PFKP: variants seen among roughly 807,000 people sequenced by gnomAD.
PFKP encodes ATP-dependent 6-phosphofructokinase, platelet type.
In PFKP, 101 loss-of-function variants were observed where a neutral mutation model predicts 94.3. That is an observed-to-expected ratio of 1.07 (90% CI 0.91 to 1.26). The LOEUF is 1.26. Ranked by LOEUF, PFKP falls within the 50% of genes most tolerant of loss-of-function variation. The pLI is 0.00. For synonymous variants in PFKP, 573 were observed against 432.6 expected (o/e 1.32, Z -4.03); for missense variants, 1,145 against 1,103.3 (o/e 1.04, Z -0.53).
At position 3,131,919 on chromosome 10, in the gene PFKP, C is replaced by A. The variant is rs114701714; in HGVS notation, c.1849-461C>A. ...GTTCTTACTCTAAGACCATCTTTTC[C>A]TTAAGAAATCTGTGTATGAATGTGA... On this transcript the variant is annotated intron_variant, in intron 17 of 21. Transcript: ENST00000381125. Among the ~76,000 whole-genome samples the A allele has an allele frequency of 3.3e-3, 498 of 152,178 alleles. 2 individuals carry two copies. Among genetic ancestry groups the A allele is most frequent in the African/African-American group, 0.012 (479 of 41,524 alleles).
chr10:3,074,512 G>C (rs59306320), intron 1 of PFKP, among the ~76,000 whole-genome samples: 1 of 152,086 alleles, frequency 6.6e-6, no homozygotes, highest in Non-Finnish European at 1.5e-5. Context: ...GAGGCCACAA[G>C]TTTAGGGTAT....
intron 2 of PFKP, among the ~76,000 whole-genome samples, chr10:3,093,546 G>C (rs893917329): frequency 1.3e-5 from 2 of 151,922 alleles, no homozygotes; most frequent in Admixed American, 6.6e-5. Flanking sequence ...GAGGTGGCCT[G>C]GTTCTGCTCT....
chr10:3,102,250 C>CAAAAAAA lies in PFKP; in HGVS notation c.454+713_454+719dup, dbSNP rs757381364. ...TGGGCGACAGAGCGAGACTCTGTCT[C>CAAAAAAA]AAAAAAAAAAAAAAAAAAAAAAACT... On this transcript the variant is annotated intron_variant, in intron 4 of 21. Coordinates refer to ENST00000381125, the MANE Select transcript of PFKP (RefSeq NM_002627.5). 6.9e-3 allele frequency among the ~76,000 whole-genome samples: 376 copies of CAAAAAAA among 54,770 alleles called. 35 individuals carry two copies. The highest frequency in any genetic ancestry group is 1.0e-2 in the Non-Finnish European group (291 of 29,128). 35.9% of individuals were successfully genotyped at this position (54,770 alleles called of 152,430 possible).
At position 3,067,603 on chromosome 10, in the gene PFKP, C is replaced by G. The variant is rs1474591724; in HGVS notation, c.8C>G (p.Ala3Gly). Residue 3 changes from alanine to glycine, a missense_variant, in exon 1 of 22, where the codon GCG (alanine) becomes GGG (glycine). Transcript: ENST00000381125. ...CCCCTCGGCCTCCTCGCCATGGACG[C>G]GGACGACTCCCGGGCCCCCAAGGGC... MD[A>G]DDSRAPKGSL... 6.6e-7 allele frequency: 1 copy of G among 1,521,318 alleles called. No homozygotes were observed. The highest frequency in any genetic ancestry group is 8.8e-7 in the Non-Finnish European group (1 of 1,132,262). 94.2% of individuals were successfully genotyped at this position (1,521,318 alleles called of 1,614,324 possible).
In PFKP at chr10:3,135,730, T is replaced by C. The variant is rs373071867; in HGVS notation, c.2123-6T>C. ...TGTTATTAATCTTTTTTAAAATCTT[T>C]TATAGGAAAAAAATTTACCACCGAT... On this transcript the variant is annotated splice_polypyrimidine_tract_variant and splice_region_variant and intron_variant, in intron 20 of 21. Transcript: ENST00000381125. 5.7e-6 allele frequency: 9 copies of C among 1,587,848 alleles called. No homozygotes were observed. The highest frequency in any genetic ancestry group is 1.7e-5 in the Admixed American group (1 of 59,334).
chr10:3,106,238 G>A (rs1239849565), intron 7 of PFKP, among the ~76,000 whole-genome samples: 1 of 146,650 alleles, frequency 6.8e-6, no homozygotes, highest in Non-Finnish European at 1.5e-5. Context: ...CCTGTGGGGC[G>A]TCCACCTGTG....
At chr10:3,131,171 C>T (rs570878499) in intron 17 of PFKP, among the ~76,000 whole-genome samples, 14 of 152,200 alleles carry the variant, frequency 9.2e-5, no homozygotes, top group South Asian at 6.2e-4. Flanking sequence ...TGCTTTTCTA[C>T]ATCTAGACAT....
chr10:3,113,110 T>A lies in PFKP; in HGVS notation c.1155-9T>A. 3.1e-6 allele frequency: 5 copies of A among 1,611,918 alleles called. No individual in the cohort carries two copies. Among genetic ancestry groups the A allele is most frequent in the Non-Finnish European group, 4.2e-6 (5 of 1,179,076 alleles). On this transcript the variant is annotated splice_polypyrimidine_tract_variant and intron_variant, in intron 11 of 21. Coordinates refer to ENST00000381125, the MANE Select transcript of PFKP (RefSeq NM_002627.5). Reference sequence around the variant, plus strand: ...TCGACTCCGGTCCAACGACACCCTTTTCCTTTAGGAGCTTTGCGGGCAACC... The same window carrying A: ...TCGACTCCGGTCCAACGACACCCTTATCCTTTAGGAGCTTTGCGGGCAACC...
At chr10:3,134,691 C>G in intron 20 of PFKP, 109 bp downstream of exon 20, 1 of 695,250 alleles carries the variant, frequency 1.4e-6, no homozygotes, top group Non-Finnish European at 2.6e-6. Context: ...TTCTTCAGTT[C>G]AGTACTGAGC....
chr10:3,075,904 CAAAAAAAAAA>C (rs577636701), intron 1 of PFKP, among the ~76,000 whole-genome samples: 1 of 70,346 alleles, frequency 1.4e-5, no homozygotes. Flanking sequence ...GACCCTATCG[CAAAAAAAAAA>C]AAAAAAAAAA....
At chr10:3,112,398 G>GA (rs1484738657) in intron 11 of PFKP, 112 bp downstream of exon 11, 53 of 831,364 alleles carry the variant, frequency 6.4e-5, no homozygotes, top group African/African-American at 6.0e-4. Context: ...TGAAAAATCA[G>GA]AAAGTCAGGC....
At chr10:3,124,842 AC>A (rs5782685) in intron 16 of PFKP, among the ~76,000 whole-genome samples, 1 of 151,818 alleles carries the variant, frequency 6.6e-6, no homozygotes, top group Admixed American at 6.5e-5. Context: ...CCTGCCTCAC[AC>A]CACCCCGCTG....
rs1423455393 is a variant in PFKP, at chr10:3,067,726, G to A, written c.112+19G>A. ...GCTCAAGGTGCGCGCCCCCCTCCCG[G>A]CGGCGAGGGAGGGACGGACGGACGG... On this transcript the variant is annotated intron_variant, in intron 1 of 21. Transcript: ENST00000381125. 2 of 1,368,930 alleles carry A rather than the reference G, an allele frequency of 1.5e-6. No homozygotes were observed. The highest frequency in any genetic ancestry group is 1.9e-4 in the Middle Eastern group (1 of 5,200). 84.8% of individuals were successfully genotyped at this position (1,368,930 alleles called of 1,614,324 possible).
At chr10:3,091,394 T>C (rs1237788452) in intron 2 of PFKP, among the ~76,000 whole-genome samples, 1 of 152,142 alleles carries the variant, frequency 6.6e-6, no homozygotes, top group African/African-American at 2.4e-5. Context: ...GGGCTGCCAC[T>C]GTGTCTGCAG....
At chr10:3,075,603 G>T (rs1230714101) in intron 1 of PFKP, among the ~76,000 whole-genome samples, 4 of 145,300 alleles carry the variant, frequency 2.8e-5, no homozygotes, top group Non-Finnish European at 4.5e-5. Flanking sequence ...GCGGGGCAGG[G>T]GGCCGGGAGT....
chr10:3,110,365 ATT>A (rs57980780), intron 10 of PFKP, among the ~76,000 whole-genome samples: 19 of 92,574 alleles, frequency 2.1e-4, no homozygotes, highest in African/African-American at 6.2e-4. Context: ...CGCCTGGCTA[ATT>A]TTTTTTTTTT....
intron 13 of PFKP, among the ~76,000 whole-genome samples, chr10:3,115,869 C>A (rs1053404687): frequency 2.0e-5 from 3 of 152,056 alleles, no homozygotes; most frequent in East Asian, 3.9e-4. Flanking sequence ...GGTGGAGATG[C>A]CCTGTGGCAT....
At chr10:3,088,830 C>G (rs529243252) in intron 2 of PFKP, among the ~76,000 whole-genome samples, 2 of 152,118 alleles carry the variant, frequency 1.3e-5, no homozygotes, top group African/African-American at 4.8e-5. Context: ...CCCTCCCCTT[C>G]CATACCTCTG....
In PFKP at chr10:3,113,491, T is replaced by C. The variant is rs752257129; in HGVS notation, c.1344T>C (p.Asp448=). The C allele has an allele frequency of 4.3e-6, 7 of 1,613,326 alleles. No homozygotes were observed. The highest frequency in any genetic ancestry group is 1.1e-5 in the South Asian group (1 of 91,076). ...ADGHRMLAIY[D]GFDGFAKGQI... is the part of the protein sequence containing the mutation. ...GCCACAGGATGCTCGCCATCTATGA[T>C]GGCTTTGACGGCTTCGCCAAGGGCC... The change falls in exon 13 of 22, where the codon GAT becomes GAC. Residue 448 remains aspartate, a synonymous_variant. Coordinates refer to ENST00000381125, the MANE Select transcript of PFKP (RefSeq NM_002627.5).
Sources: gnomAD v4.1 joint callset for allele counts (sites outside exome capture counted in the v4.1 genomes callset) on GRCh38, gnomAD v4.1.1 for gene constraint, MANE v1.5 for transcripts, NCBI Gene and HGNC (gene_info 2026-07-23, HGNC 2026-07-21) for gene names.